STK3: variants seen among roughly 807,000 people sequenced by gnomAD.
STK3 encodes the protein serine/threonine-protein kinase 3.
A neutral mutation model predicts 58.0 loss-of-function variants in STK3; 41 were observed. The ratio of observed to expected loss-of-function variants is 0.71; its 90% CI spans 0.55 to 0.92. STK3 has a LOEUF of 0.92. STK3 is among the 40% of genes least tolerant of loss of function. The pLI is 0.00. For synonymous variants in STK3, 170 were observed against 191.0 expected (o/e 0.89, Z 0.91); for missense variants, 479 against 602.7 (o/e 0.79, Z 2.15).
chr8:98,791,722 A>T (rs1187911577), intron 1 of STK3, among the ~76,000 whole-genome samples: 1 of 152,170 alleles, frequency 6.6e-6, no homozygotes, highest in African/African-American at 2.4e-5. Flanking sequence ...GGGAAAGGTC[A>T]CCCTATTCAA....
intron 1 of STK3, among the ~76,000 whole-genome samples, chr8:98,381,710 G>A (rs1817734963): frequency 2.6e-5 from 4 of 152,282 alleles, no homozygotes; most frequent in South Asian, 4.1e-4. Context: ...AGTACATGGA[G>A]GCTAAAAAAG....
intron 10 of STK3, among the ~76,000 whole-genome samples, chr8:98,484,192 A>G (rs1822067479): frequency 6.6e-6 from 1 of 151,182 alleles, no homozygotes; most frequent in South Asian, 2.1e-4. Context: ...TTTCAGAAAG[A>G]CCAGGAGGCC....
intron 3 of STK3, chr8:98,429,119 G>A (rs1474222066): frequency 6.2e-7 from 1 of 1,613,316 alleles, no homozygotes; most frequent in Non-Finnish European, 8.5e-7. Context: ...ACGGGGATGT[G>A]GTCCCAGGGA....
At chr8:98,919,858 C>A (rs776245724) in intron 1 of STK3, among the ~76,000 whole-genome samples, 1 of 152,002 alleles carries the variant, frequency 6.6e-6, no homozygotes, top group Non-Finnish European at 1.5e-5. Context: ...GGATGAGGAC[C>A]GACACAGTCA....
intron 3 of STK3, among the ~76,000 whole-genome samples, chr8:98,843,878 G>A (rs1332064273): frequency 8.5e-5 from 13 of 152,290 alleles, no homozygotes; most frequent in African/African-American, 1.4e-4. Flanking sequence ...TTTGCCGGGC[G>A]TGATGGTGCA....
the STK3 span, among the ~76,000 whole-genome samples, chr8:98,344,989 A>G: frequency 6.6e-6 from 1 of 151,382 alleles, no homozygotes; most frequent in Non-Finnish European, 1.5e-5. Context: ...GTTGCAAGGC[A>G]GGTGAAAGCT....
chr8:98,859,176 T>C (rs1289634077), intron 3 of STK3, among the ~76,000 whole-genome samples: 1 of 152,134 alleles, frequency 6.6e-6, no homozygotes, highest in Non-Finnish European at 1.5e-5. Context: ...AGAAAAGAAT[T>C]AACATCAAGG....
intron 1 of STK3, among the ~76,000 whole-genome samples, chr8:98,788,466 A>C (rs55792423): frequency 0.026 from 4,006 of 151,612 alleles, 59 homozygotes; most frequent in African/African-American, 0.054. Context: ...AACAAACAAA[A>C]AAAAAAATAC....
upstream of STK3, among the ~76,000 whole-genome samples, chr8:98,391,009 T>C (rs1294767463): frequency 6.6e-6 from 1 of 152,218 alleles, no homozygotes; most frequent in Non-Finnish European, 1.5e-5. Flanking sequence ...GTCAGATAAT[T>C]CTAACTCTGT....
intron 4 of STK3, among the ~76,000 whole-genome samples, chr8:98,724,566 T>C (rs1410534381): frequency 6.6e-6 from 1 of 152,174 alleles, no homozygotes; most frequent in African/African-American, 2.4e-5. Flanking sequence ...GACATGATCA[T>C]ATCTGAACTT....
At chr8:98,718,900 C>T (rs1197101002) in intron 4 of STK3, among the ~76,000 whole-genome samples, 1 of 151,870 alleles carries the variant, frequency 6.6e-6, no homozygotes, top group Non-Finnish European at 1.5e-5. Flanking sequence ...CAGTACTGCA[C>T]TAGAAAGGGT....
the STK3 span, among the ~76,000 whole-genome samples, chr8:98,364,944 C>G: frequency 1.1e-4 from 16 of 149,140 alleles, no homozygotes; most frequent in African/African-American, 4.0e-4. Flanking sequence ...TCCCCTCCTC[C>G]GGAGTTTCCG....
At chr8:98,911,787 A>G (rs1420875107) in intron 1 of STK3, among the ~76,000 whole-genome samples, 2 of 151,712 alleles carry the variant, frequency 1.3e-5, no homozygotes, top group Middle Eastern at 3.2e-3. Context: ...CTTTTTTTCT[A>G]TTTTTCTAAT....
intron 3 of STK3, chr8:98,430,846 C>T (rs751726074): frequency 6.0e-6 from 1 of 167,070 alleles, no homozygotes; most frequent in Admixed American, 6.5e-5. Flanking sequence ...TTCAAAAGAC[C>T]TTCAAGCTTC....
intron 9 of STK3, among the ~76,000 whole-genome samples, chr8:98,531,551 G>A (rs1188967597): frequency 6.6e-6 from 1 of 152,166 alleles, no homozygotes; most frequent in African/African-American, 2.4e-5. Context: ...AGGGCCCTAG[G>A]ATTTTCAAAA....
At chr8:98,661,678 C>T (rs1016786425) in intron 6 of STK3, among the ~76,000 whole-genome samples, 4 of 152,098 alleles carry the variant, frequency 2.6e-5, no homozygotes, top group Non-Finnish European at 4.4e-5. Flanking sequence ...ATGACCACTA[C>T]CTCTGTCTCC....
chr8:98,629,289 A>G (rs765997427), intron 6 of STK3, among the ~76,000 whole-genome samples: 1 of 152,174 alleles, frequency 6.6e-6, no homozygotes, highest in Non-Finnish European at 1.5e-5. Flanking sequence ...CCAACTTTTG[A>G]GCAGTGAAAT....
intron 6 of STK3, chr8:98,638,479 A>G (rs1336952085): frequency 6.6e-6 from 1 of 152,234 alleles, no homozygotes; most frequent in African/African-American, 2.4e-5. Flanking sequence ...AATGATCTAC[A>G]AGGAAGCAGG....
intron 6 of STK3, among the ~76,000 whole-genome samples, chr8:98,681,253 T>G (rs1206762229): frequency 1.3e-5 from 2 of 152,024 alleles, no homozygotes; most frequent in Non-Finnish European, 2.9e-5. Context: ...CACCTCGACC[T>G]CCCAAAGTGC....
Sources: allele counts gnomAD v4.1 joint callset (sites outside exome capture counted in the v4.1 genomes callset), GRCh38; gene constraint gnomAD v4.1.1; transcripts MANE v1.5; gene names NCBI Gene and HGNC (gene_info 2026-07-23, HGNC 2026-07-21).